Variants in PVT1 observed in about 807,000 individuals in gnomAD.
PVT1 encodes CXCR4/PVT1 fusion.
intron 4 of PVT1, among the ~76,000 whole-genome samples, chr8:128,027,774 T>C (rs1813329973): frequency 6.6e-6 from 1 of 152,184 alleles, no homozygotes; most frequent in Non-Finnish European, 1.5e-5. Flanking sequence ...TCAGCCACTG[T>C]TGGATGAATG....
chr8:128,035,930 T>A (rs928354400), intron 4 of PVT1, among the ~76,000 whole-genome samples: 1 of 152,252 alleles, frequency 6.6e-6, no homozygotes, highest in Non-Finnish European at 1.5e-5. Flanking sequence ...TTGCTTTTAG[T>A]TCCTTATGAC....
At chr8:127,864,734 C>G (rs13269782) in intron 2 of PVT1, among the ~76,000 whole-genome samples, 56,420 of 151,546 alleles carry the variant, frequency 0.37, 12,996 homozygotes, top group African/African-American at 0.65. Flanking sequence ...ATTTTTAGTA[C>G]ATATGGGGTT....
chr8:127,891,206 T>C (rs562555459), intron 3 of PVT1, among the ~76,000 whole-genome samples: 3 of 152,332 alleles, frequency 2.0e-5, no homozygotes, highest in Admixed American at 2.0e-4. Flanking sequence ...TTTCTGATGT[T>C]CCCAGTTTAC....
chr8:128,016,293 GGCGAGGATGGTAACCATTCTCT>G (rs1384927938), intron 4 of PVT1, among the ~76,000 whole-genome samples: 1,618 of 151,938 alleles, frequency 0.011, 24 homozygotes, highest in African/African-American at 0.038. Context: ...AAAAAAAGGG[GGCGAGGATGGTAACCATTCTCT>G]GCCATAAATA....
chr8:127,964,138 G>A (rs1193754628), intron 3 of PVT1, among the ~76,000 whole-genome samples: 3 of 152,228 alleles, frequency 2.0e-5, no homozygotes, highest in East Asian at 1.9e-4. Context: ...TTCAGGGAAG[G>A]CTGGGCAAAG....
At chr8:127,959,280 G>A (rs1816608370) in intron 3 of PVT1, among the ~76,000 whole-genome samples, 1 of 152,120 alleles carries the variant, frequency 6.6e-6, no homozygotes, top group Non-Finnish European at 1.5e-5. Flanking sequence ...TCTACACTCT[G>A]GGGATATAAA....
At chr8:127,959,585 G>GGAAAA (rs1816613911) in intron 3 of PVT1, among the ~76,000 whole-genome samples, 1 of 92,648 alleles carries the variant, frequency 1.1e-5, no homozygotes, top group African/African-American at 3.7e-5. Context: ...CTCTGTCTCA[G>GGAAAA]GAAAAAAAAA....
chr8:127,942,072 C>G (rs1816357727), intron 3 of PVT1, among the ~76,000 whole-genome samples: 1 of 152,212 alleles, frequency 6.6e-6, no homozygotes, highest in Non-Finnish European at 1.5e-5. Flanking sequence ...GTTGGGCCCT[C>G]AGAGTGTGAT....
chr8:127,887,651 A>G (rs996525234), intron 2 of PVT1, among the ~76,000 whole-genome samples: 2 of 152,068 alleles, frequency 1.3e-5, no homozygotes, highest in African/African-American at 4.8e-5. Context: ...TCAGCCTCCC[A>G]GGTAGCTGGG....
chr8:128,060,396 T>C (rs1813816576), intron 4 of PVT1, among the ~76,000 whole-genome samples: 1 of 152,234 alleles, frequency 6.6e-6, no homozygotes. Context: ...AAGATATCCC[T>C]ATAAATGCAG....
At chr8:127,856,223 G>C (rs2129742593) in intron 2 of PVT1, among the ~76,000 whole-genome samples, 1 of 152,272 alleles carries the variant, frequency 6.6e-6, no homozygotes, top group South Asian at 2.1e-4. Flanking sequence ...CATGTGATGT[G>C]TAGGGCTTAG....
chr8:128,052,850 T>C (rs1813715473), intron 4 of PVT1, among the ~76,000 whole-genome samples: 1 of 152,254 alleles, frequency 6.6e-6, no homozygotes, highest in Non-Finnish European at 1.5e-5. Flanking sequence ...ATTTTACAGA[T>C]GAAGAAACCA....
chr8:127,892,997 T>C (rs1399509724), intron 3 of PVT1, among the ~76,000 whole-genome samples: 1 of 152,206 alleles, frequency 6.6e-6, no homozygotes, highest in Non-Finnish European at 1.5e-5. Flanking sequence ...TATCAGTTAC[T>C]GCCTAGAACA....
chr8:127,969,374 G>A (rs1033623197), intron 3 of PVT1, among the ~76,000 whole-genome samples: 2 of 151,942 alleles, frequency 1.3e-5, no homozygotes, highest in Non-Finnish European at 1.5e-5. Flanking sequence ...ATTCTCCCTG[G>A]CCGAGAGCTT....
chr8:127,828,393 T>C (rs1404055014), intron 2 of PVT1, among the ~76,000 whole-genome samples: 4 of 152,222 alleles, frequency 2.6e-5, no homozygotes, highest in African/African-American at 9.6e-5. Context: ...AGAAGCATCT[T>C]CTGCCCTAAA....
At chr8:127,839,277 T>C (rs1814945913) in intron 2 of PVT1, among the ~76,000 whole-genome samples, 1 of 152,142 alleles carries the variant, frequency 6.6e-6, no homozygotes, top group South Asian at 2.1e-4. Flanking sequence ...CTGGGTGCAG[T>C]GGCTCGTGCC....
At chr8:128,036,889 C>T (rs915645478) in intron 4 of PVT1, among the ~76,000 whole-genome samples, 5 of 152,202 alleles carry the variant, frequency 3.3e-5, no homozygotes, top group African/African-American at 9.7e-5. Flanking sequence ...CAGGACTTGG[C>T]TGCAGGGTGC....
intron 6 of PVT1, among the ~76,000 whole-genome samples, chr8:128,097,135 T>G (rs187974544): frequency 1.6e-4 from 25 of 152,244 alleles, no homozygotes; most frequent in Admixed American, 1.4e-3. Context: ...CCAAGGCGGG[T>G]GGATCACTTG....
chr8:128,030,165 T>C (rs1004087908), intron 4 of PVT1, among the ~76,000 whole-genome samples: 6 of 152,178 alleles, frequency 3.9e-5, no homozygotes, highest in Non-Finnish European at 8.8e-5. Context: ...TATATACTCA[T>C]GTGTGCACAT....
Sources: gnomAD v4.1 joint callset for allele counts (sites outside exome capture counted in the v4.1 genomes callset) on GRCh38, gnomAD v4.1.1 for gene constraint, MANE v1.5 for transcripts, NCBI Gene and HGNC (gene_info 2026-07-23, HGNC 2026-07-21) for gene names.